PIK3CA: variants seen among roughly 807,000 people sequenced by gnomAD.
The protein encoded by PIK3CA is phosphatidylinositol-4,5-bisphosphate 3-kinase catalytic subunit alpha.
Under a neutral mutation model 138.2 loss-of-function variants are expected in PIK3CA, and 27 were observed. The ratio of observed to expected loss-of-function variants is 0.20; its 90% CI spans 0.14 to 0.27. PIK3CA has a LOEUF of 0.27. Among genes scored for constraint, PIK3CA ranks in the 10% least tolerant of loss-of-function variants. The pLI is 1.00. For synonymous variants in PIK3CA, 358 were observed against 413.2 expected (o/e 0.87, Z 1.62); for missense variants, 544 against 1,277.4 (o/e 0.43, Z 8.75).
intron 6 of PIK3CA, among the ~76,000 whole-genome samples, chr3:179,208,987 A>G (rs1202912352): frequency 2.1e-5 from 3 of 140,496 alleles, no homozygotes; most frequent in African/African-American, 8.2e-5. Flanking sequence ...ATATATAAAT[A>G]TATAGAAATA....
chr3:179,185,951 C>T (rs567279849), intron 1 of PIK3CA, among the ~76,000 whole-genome samples: 1 of 152,274 alleles, frequency 6.6e-6, no homozygotes, highest in South Asian at 2.1e-4. Context: ...AAATAATTGG[C>T]CATTGGTGAT....
intron 1 of PIK3CA, among the ~76,000 whole-genome samples, chr3:179,150,913 CTGTT>C (rs1722999971): frequency 6.6e-6 from 1 of 152,180 alleles, no homozygotes; most frequent in African/African-American, 2.4e-5. Flanking sequence ...CTCTGTTGAT[CTGTT>C]TATTTGAAGA....
intron 1 of PIK3CA, among the ~76,000 whole-genome samples, chr3:179,152,933 A>C (rs1344371476): frequency 1.4e-4 from 22 of 152,202 alleles, no homozygotes; most frequent in Admixed American, 1.4e-3. Flanking sequence ...AATAATATGC[A>C]GGAGGGTACA....
chr3:179,175,168 C>T (rs556383067), intron 1 of PIK3CA, among the ~76,000 whole-genome samples: 3 of 152,280 alleles, frequency 2.0e-5, no homozygotes, highest in East Asian at 3.9e-4. Flanking sequence ...CTTATCCTCT[C>T]GTGGCATCTT....
intron 1 of PIK3CA, chr3:179,149,549 C>T (rs1047317630): frequency 1.3e-5 from 2 of 152,162 alleles, no homozygotes; most frequent in Admixed American, 6.5e-5. Flanking sequence ...GAGGGTCTTT[C>T]TAGAAAACAG....
chr3:179,184,922 C>T (rs931736179), intron 1 of PIK3CA, among the ~76,000 whole-genome samples: 2 of 152,172 alleles, frequency 1.3e-5, no homozygotes, highest in African/African-American at 2.4e-5. Flanking sequence ...TATCTAAATA[C>T]TAAAGAGTAT....
At chr3:179,228,727 C>T (rs764773773) in intron 17 of PIK3CA, among the ~76,000 whole-genome samples, 12 of 151,834 alleles carry the variant, frequency 7.9e-5, no homozygotes, top group Non-Finnish European at 1.5e-4. Context: ...TTTTTTGTTT[C>T]ATGAAATATG....
At chr3:179,203,299 A>G (rs1385744884) in intron 4 of PIK3CA, among the ~76,000 whole-genome samples, 1 of 152,200 alleles carries the variant, frequency 6.6e-6, no homozygotes, top group African/African-American at 2.4e-5. Context: ...TACAGTTTCA[A>G]AAGTTGACCT....
chr3:179,160,916 T>C (rs1005462431), intron 1 of PIK3CA, among the ~76,000 whole-genome samples: 7 of 151,622 alleles, frequency 4.6e-5, no homozygotes, highest in Admixed American at 6.6e-5. Context: ...GTACCAACTT[T>C]TCAGGCTCAC....
chr3:179,230,592 A>G lies in PIK3CA; in HGVS notation c.2936+216A>G, dbSNP rs1725187887. On this transcript the variant is annotated intron_variant, in intron 20 of 20. Coordinates refer to ENST00000263967, the MANE Select transcript of PIK3CA (RefSeq NM_006218.4). This position sits in a 1 kb window ranked among gnomAD's most constrained non-coding sequence, Gnocchi z 5.4. ...AACATAGAGAGAATTCATGTCTACA[A>G]AAAAATTTAAAAAGTAGCCAGGCGT... 6.6e-6 allele frequency among the ~76,000 whole-genome samples: 1 copy of G among 152,060 alleles called. No homozygotes were observed. Among genetic ancestry groups the G allele is most frequent in the African/African-American group, 2.4e-5 (1 of 41,406 alleles).
intron 2 of PIK3CA, among the ~76,000 whole-genome samples, chr3:179,199,399 T>A (rs1185463299): frequency 3.3e-5 from 5 of 152,114 alleles, no homozygotes; most frequent in Non-Finnish European, 7.4e-5. Flanking sequence ...ATTTGTGGGA[T>A]GACTTAGATT....
chr3:179,212,060 T>A (rs1275843567), intron 9 of PIK3CA, among the ~76,000 whole-genome samples: 4 of 151,902 alleles, frequency 2.6e-5, no homozygotes, highest in African/African-American at 9.7e-5. Context: ...CAGGCTAGAG[T>A]GCAATGGCAC....
Position 179,230,234 on chromosome 3 carries a change from A to G in PIK3CA, c.2794A>G (p.Ile932Val). The G allele has an allele frequency of 6.2e-7, 1 of 1,604,090 alleles. No individual in the cohort carries two copies. The highest frequency in any genetic ancestry group is 8.5e-7 in the Non-Finnish European group (1 of 1,174,974). ...TTCTTATTTTTGAAAGCTGTTTCAT[A>G]TAGATTTTGGACACTTTTTGGATCA... ...MVKDDGQLFH[I>V]DFGHFLDHKK... is the part of the protein sequence containing the mutation. The change falls in exon 20 of 21, where the codon ATA becomes GTA. Residue 932 changes from isoleucine to valine, a missense_variant. Physicochemically the swap from Ile to Val is conservative, Grantham distance 29. Around this residue, in one of 14 missense-constraint regions of PIK3CA, gnomAD observed 72 missense variants for 271.8 expected, o/e 0.26. Coordinates refer to ENST00000263967, the MANE Select transcript of PIK3CA (RefSeq NM_006218.4). This position sits in a 1 kb window ranked among gnomAD's most constrained non-coding sequence, Gnocchi z 5.4.
intron 1 of PIK3CA, among the ~76,000 whole-genome samples, chr3:179,181,322 A>G (rs142361783): frequency 6.6e-6 from 1 of 152,094 alleles, no homozygotes; most frequent in African/African-American, 2.4e-5. Context: ...CCCTAGGGAT[A>G]ATGACTCATG....
chr3:179,182,256 T>C (rs1723866150), intron 1 of PIK3CA, among the ~76,000 whole-genome samples: 1 of 152,228 alleles, frequency 6.6e-6, no homozygotes, highest in African/African-American at 2.4e-5. Context: ...AAAGTTTTTG[T>C]CAGTTGATAA....
intron 1 of PIK3CA, among the ~76,000 whole-genome samples, chr3:179,162,422 G>C (rs1240766669): frequency 1.3e-5 from 2 of 151,996 alleles, no homozygotes; most frequent in Non-Finnish European, 2.9e-5. Context: ...TGTTGCCCAG[G>C]CTGGTCTTGA....
At chr3:179,192,216 A>G (rs756754045) in intron 1 of PIK3CA, among the ~76,000 whole-genome samples, 2 of 152,248 alleles carry the variant, frequency 1.3e-5, no homozygotes, top group South Asian at 2.1e-4. Context: ...ATGGTAAACT[A>G]TCTTGCCTGA....
chr3:179,178,436 C>T (rs937620396), intron 1 of PIK3CA, among the ~76,000 whole-genome samples: 1 of 151,918 alleles, frequency 6.6e-6, no homozygotes, highest in Non-Finnish European at 1.5e-5. Flanking sequence ...AAATTAAAAC[C>T]ATGATAAGAT....
rs137931044 is a variant in PIK3CA, at chr3:179,179,220, C to T, written c.-76-19530C>T. On this transcript the variant is annotated intron_variant, in intron 1 of 20. Coordinates refer to ENST00000263967, the MANE Select transcript of PIK3CA (RefSeq NM_006218.4). ...AAATTGATGTAGGAATTTTGATAGC[C>T]GATGCTGGAAACAGCCCACATATTC... Among the ~76,000 whole-genome samples, 404 of 152,258 alleles carry T rather than the reference C, an allele frequency of 2.7e-3. 1 individual carries two copies. Among genetic ancestry groups the T allele is most frequent in the Non-Finnish European group, 3.9e-3 (265 of 68,026 alleles).
Sources: allele counts gnomAD v4.1 joint callset (sites outside exome capture counted in the v4.1 genomes callset), GRCh38; gene constraint gnomAD v4.1.1; regional missense constraint gnomAD v4.1.1; non-coding constraint Gnocchi (gnomAD v3.1); transcripts MANE v1.5; gene names NCBI Gene and HGNC (gene_info 2026-07-23, HGNC 2026-07-21).